Variants in SH3BP5L observed in about 807,000 individuals in gnomAD.
SH3BP5L encodes SH3 binding domain protein 5 like.
A neutral mutation model predicts 40.9 loss-of-function variants in SH3BP5L; 16 were observed. The ratio of observed to expected loss-of-function variants is 0.39; its 90% CI spans 0.27 to 0.59. The LOEUF is 0.59. SH3BP5L is among the 20% of genes least tolerant of loss of function. The pLI, the probability that SH3BP5L is intolerant of heterozygous loss-of-function variation, is 0.53. For synonymous variants in SH3BP5L, 229 were observed against 226.7 expected (o/e 1.01, Z -0.09); for missense variants, 471 against 544.6 (o/e 0.86, Z 1.35).
At chr1:248,815,097 A>C (rs138928789) in intron 4 of SH3BP5L, among the ~76,000 whole-genome samples, 1 of 152,332 alleles carries the variant, frequency 6.6e-6, no homozygotes, top group Non-Finnish European at 1.5e-5. Context: ...ACATCGGTTA[A>C]ATAAATAATA....
intron 4 of SH3BP5L, chr1:248,814,841 G>A (rs990202043): frequency 1.5e-6 from 1 of 653,458 alleles, no homozygotes; most frequent in African/African-American, 1.8e-5. Flanking sequence ...GTAGATGTGT[G>A]AAATCCAGCA....
chr1:248,815,742 G>A (rs1664089103), intron 4 of SH3BP5L, among the ~76,000 whole-genome samples: 1 of 152,172 alleles, frequency 6.6e-6, no homozygotes, highest in South Asian at 2.1e-4. Context: ...CCAGGGCCTA[G>A]CAAAGTTATT....
rs752114196 is a variant in SH3BP5L at position 248,812,103 on chromosome 1, C to T, written c.979G>A (p.Ala327Thr). Reference protein sequence around the residue: ...EEGSSLGPGPAPDTDTLSLLS... With the variant: ...EEGSSLGPGPTPDTDTLSLLS... ...AGACTCAGGGTATCGGTGTCGGGGG[C>T]GGGGCCGGGCCCCAGGCTGCTGCCC... The change falls in exon 7 of 7, where the codon GCC (alanine) becomes ACC (threonine). Residue 327 changes from alanine to threonine, a missense_variant. Around this residue, in one of 2 missense-constraint regions of SH3BP5L, gnomAD observed 196 missense variants for 174.6 expected, o/e 1.12. Coordinates refer to ENST00000366472, the MANE Select transcript of SH3BP5L (RefSeq NM_030645.3). This position sits in a 1 kb window ranked among gnomAD's most constrained non-coding sequence, Gnocchi z 6.1. 5.0e-6 allele frequency: 8 copies of T among 1,610,666 alleles called. No individual in the cohort carries two copies. The Admixed American group carries it at 5.0e-5, about 10-fold the overall frequency.
intron 4 of SH3BP5L, chr1:248,814,884 A>T: frequency 1.8e-6 from 1 of 543,176 alleles, no homozygotes; most frequent in South Asian, 1.6e-5. Context: ...TCCCCTAGGG[A>T]AAACAAAGGA....
chr1:248,816,726 C>T, intron 3 of SH3BP5L, 64 bp from the exon 4 acceptor site: 1 of 1,612,520 alleles, frequency 6.2e-7, no homozygotes, highest in Non-Finnish European at 8.5e-7. Context: ...GTTTCTCAGA[C>T]ACACCCCTCC....
intron 4 of SH3BP5L, chr1:248,814,854 C>T (rs1664060517): frequency 6.3e-6 from 4 of 635,602 alleles, no homozygotes; most frequent in Non-Finnish European, 1.2e-5. Flanking sequence ...ATCCAGCACT[C>T]CCAAAGGCTG....
At chr1:248,815,833 C>A (rs1214375271) in intron 4 of SH3BP5L, among the ~76,000 whole-genome samples, 1 of 152,256 alleles carries the variant, frequency 6.6e-6, no homozygotes, top group Non-Finnish European at 1.5e-5. Context: ...CACTAAGGCG[C>A]TGCGCTTTGC....
intron 2 of SH3BP5L, among the ~76,000 whole-genome samples, chr1:248,823,750 T>A (rs542103507): frequency 6.6e-6 from 1 of 152,344 alleles, no homozygotes; most frequent in South Asian, 2.1e-4. Flanking sequence ...CAATAAAGGT[T>A]TGCTGACAGA....
At position 248,812,739 on chromosome 1, in the gene SH3BP5L, C is replaced by A. The variant is rs1663985042; in HGVS notation, c.711+250G>T. Among the ~76,000 whole-genome samples, 1 of 152,178 alleles carries A rather than the reference C, an allele frequency of 6.6e-6. No individual in the cohort carries two copies. Among genetic ancestry groups the A allele is most frequent in the Non-Finnish European group, 1.5e-5 (1 of 68,028 alleles). The stretch of plus-strand genomic sequence containing the variant: ...TCCCCATCCCAGATTTCCACCAGTT[C>A]TTTTCCTCTTGTTTACCTCCCTTCT... On this transcript the variant is annotated intron_variant, in intron 6 of 6. Transcript: ENST00000366472. The surrounding 1 kb of genome is among the most constrained non-coding windows in gnomAD (Gnocchi z 6.1).
At chr1:248,818,992 T>C (rs1664182779) in intron 2 of SH3BP5L, among the ~76,000 whole-genome samples, 1 of 152,212 alleles carries the variant, frequency 6.6e-6, no homozygotes. Context: ...GGCCGTGATG[T>C]TGGCCCCCAC....
chr1:248,817,211 G>A, intron 2 of SH3BP5L: 3 of 501,238 alleles, frequency 6.0e-6, no homozygotes, highest in Non-Finnish European at 1.1e-5. Context: ...CTCTCTCCGT[G>A]AGATTGCAAC....
chr1:248,813,302 C>G, intron 5 of SH3BP5L, 140 bp from the exon 6 acceptor site: 1 of 844,164 alleles, frequency 1.2e-6, no homozygotes, highest in South Asian at 2.4e-5. Context: ...GTACAGAGCC[C>G]GAGACACGCA....
rs1285928973 is a variant in SH3BP5L, at chr1:248,812,633, C to T, written c.712-263G>A. On this transcript the variant is annotated intron_variant, in intron 6 of 6. Coordinates refer to ENST00000366472, the MANE Select transcript of SH3BP5L (RefSeq NM_030645.3). The surrounding 1 kb of genome is among the most constrained non-coding windows in gnomAD (Gnocchi z 6.1). ...CTGAGCCCCACCTTCCAGAGCCTTC[C>T]TCTCAGGCCTTCCTCTCCACCAGCT... Among the ~76,000 whole-genome samples the T allele has an allele frequency of 3.9e-5, 6 of 152,118 alleles. No individual in the cohort carries two copies. The highest frequency in any genetic ancestry group is 1.2e-4 in the African/African-American group (5 of 41,416).
chr1:248,816,356 A>C (rs546814620), intron 4 of SH3BP5L, 178 bp downstream of exon 4: 4 of 645,876 alleles, frequency 6.2e-6, no homozygotes, highest in Non-Finnish European at 2.6e-6. Flanking sequence ...CCATAAGCCC[A>C]GAGCCCACGT....
At chr1:248,820,754 GT>G (rs1276200996) in intron 2 of SH3BP5L, 6 of 152,284 alleles carry the variant, frequency 3.9e-5, no homozygotes, top group Admixed American at 3.9e-4. Context: ...ATTGTGGGGG[GT>G]CAGTTGGTAA....
rs1178079159 is a variant in SH3BP5L at position 248,811,934 on chromosome 1, C to T, written c.1148G>A (p.Arg383His). ...GGRRGSDGGA[R>H]GGRHQRSVSL ...GACGCTGCGCTGGTGCCGACCCCCA[C>T]GGGCTCCGCCGTCGCTGCCCCGGCG... Residue 383 changes from arginine (R) to histidine (H), a missense_variant, in exon 7 of 7, where the codon CGT becomes CAT. Transcript: ENST00000366472. The T allele has an allele frequency of 5.2e-6, 8 of 1,551,056 alleles. No homozygotes were observed. Among genetic ancestry groups the T allele is most frequent in the Non-Finnish European group, 7.0e-6 (8 of 1,147,458 alleles).
chr1:248,816,413 G>T lies in SH3BP5L; in HGVS notation c.375+121C>A, dbSNP rs1664105628. ...CACAGAGCTGGTTCCGACCAGCCAG[G>T]TCTAGCCCAGGGCTCTGCCCTCAGG... On this transcript the variant is annotated intron_variant, in intron 4 of 6. Transcript: ENST00000366472. 3.7e-6 allele frequency: 5 copies of T among 1,340,048 alleles called. No individual in the cohort carries two copies. In the South Asian group the frequency reaches 6.5e-5, roughly 17 times the overall value. 83.0% of individuals were successfully genotyped at this position (1,340,048 alleles called of 1,614,324 possible).
intron 2 of SH3BP5L, among the ~76,000 whole-genome samples, chr1:248,823,954 C>A (rs1341252481): frequency 6.6e-6 from 1 of 152,246 alleles, no homozygotes; most frequent in Non-Finnish European, 1.5e-5. Context: ...TGAAACACTG[C>A]AACCCAGCTT....
rs766516340 is a variant in SH3BP5L at position 248,812,383 on chromosome 1, G to C, written c.712-13C>G. ...TGGCCTTGTGCTCCTGCAGAGGGCA[G>C]AGCAGAGCAAGGCGACCCATGGGGC... On this transcript the variant is annotated splice_polypyrimidine_tract_variant and intron_variant, in intron 6 of 6. Transcript: ENST00000366472. This position sits in a 1 kb window ranked among gnomAD's most constrained non-coding sequence, Gnocchi z 6.1. 3 of 1,599,554 alleles carry C rather than the reference G, an allele frequency of 1.9e-6. No homozygotes were observed. The highest frequency in any genetic ancestry group is 2.5e-6 in the Non-Finnish European group (3 of 1,178,054).
Sources: gnomAD v4.1 joint callset for allele counts (sites outside exome capture counted in the v4.1 genomes callset) on GRCh38, gnomAD v4.1.1 for gene constraint, gnomAD v4.1.1 regional missense constraint, Gnocchi (gnomAD v3.1) non-coding constraint, MANE v1.5 for transcripts, NCBI Gene and HGNC (gene_info 2026-07-23, HGNC 2026-07-21) for gene names.